Variants in ZNF624 observed in about 807,000 individuals in gnomAD.
ZNF624 encodes zinc finger protein 624.
A neutral mutation model predicts 74.7 loss-of-function variants in ZNF624; 43 were observed. That is an observed-to-expected ratio of 0.58 (90% CI 0.45 to 0.74). The LOEUF (loss-of-function observed/expected upper bound fraction) is 0.74, where lower values mean the gene tolerates loss of function less well. ZNF624 is among the 30% of genes least tolerant of loss of function. The pLI, the probability that ZNF624 is intolerant of heterozygous loss-of-function variation, is 0.00. For missense variants in ZNF624, 820 were observed against 1,030.0 expected (o/e 0.80, Z 2.79); for synonymous variants, 331 against 341.3 (o/e 0.97, Z 0.33).
At position 16,650,170 on chromosome 17, in the gene ZNF624, C is replaced by T. The variant is rs193052489; in HGVS notation, c.-2-424G>A. ...GAAGTACGAAAAAAAATACTTCAGTCTTTCTTTGCCACAATCACTTACTCA... is the reference window on the plus strand; with the variant it reads ...GAAGTACGAAAAAAAATACTTCAGTTTTTCTTTGCCACAATCACTTACTCA... On this transcript the variant is annotated intron_variant, in intron 1 of 5. Coordinates refer to ENST00000311331, the MANE Select transcript of ZNF624 (RefSeq NM_020787.4). Among the ~76,000 whole-genome samples, 202 of 152,258 alleles carry T rather than the reference C, an allele frequency of 1.3e-3. 1 individual carries two copies. The highest frequency in any genetic ancestry group is 4.7e-3 in the African/African-American group (197 of 41,554).
chr17:16,622,634 G>A lies in ZNF624; in HGVS notation c.2252C>T (p.Pro751Leu). The A allele has an allele frequency of 1.2e-6, 2 of 1,613,950 alleles. No individual in the cohort carries two copies. Among genetic ancestry groups the A allele is most frequent in the Non-Finnish European group, 1.7e-6 (2 of 1,179,942 alleles). ...TTTTCCACAGACATCACACTTATAG[G>A]GCTTCTCTCCACTATGGATTTTCTG... is the stretch of plus-strand genomic sequence containing the variant. ...EHQKIHSGEK[P>L]YKCDVCGKAF... The change falls in exon 6 of 6, where the codon CCC becomes CTC. Residue 751 changes from proline to leucine, a missense_variant. Transcript: ENST00000311331.
intron 3 of ZNF624, among the ~76,000 whole-genome samples, chr17:16,635,676 A>G (rs1433799826): frequency 6.6e-6 from 1 of 152,200 alleles, no homozygotes; most frequent in African/African-American, 2.4e-5. Flanking sequence ...CATATTAATT[A>G]CAGTGACAGA....
Position 16,623,260 on chromosome 17 carries a change from G to T in ZNF624, c.1626C>A (p.Cys542Ter). Residue 542 changes from cysteine (C) to a stop codon, truncating the protein, a stop_gained, in exon 6 of 6, where the codon TGC becomes TGA. Transcript: ENST00000311331. LOFTEE classifies it high-confidence loss of function. The surrounding 1 kb of genome is among the most constrained non-coding windows in gnomAD (Gnocchi z 5.3). The part of the protein sequence containing the change: ...ECGKAFINYS[C>*]LTVHHRMHTG... Reference sequence around the variant, plus strand: ...TATGCATTCTGTGGTGTACAGTAAGGCATGAATAATTAATGAATGCTTTCC... The same window carrying T: ...TATGCATTCTGTGGTGTACAGTAAGTCATGAATAATTAATGAATGCTTTCC... 1 of 1,613,748 alleles carries T rather than the reference G, an allele frequency of 6.2e-7. No individual in the cohort carries two copies. The highest frequency in any genetic ancestry group is 1.1e-5 in the South Asian group (1 of 91,064).
At chr17:16,650,951 G>A (rs548390783) in intron 1 of ZNF624, among the ~76,000 whole-genome samples, 10 of 152,154 alleles carry the variant, frequency 6.6e-5, no homozygotes, top group African/African-American at 2.2e-4. Flanking sequence ...CATCTGAAAA[G>A]ATACTTGAAG....
At chr17:16,616,982 A>T, downstream of ZNF624, 1 of 1,602,270 alleles carries the variant, frequency 6.2e-7, no homozygotes, top group Non-Finnish European at 8.6e-7. Flanking sequence ...GGCGAATTGG[A>T]ACGGGACTGG....
At chr17:16,634,597 G>T in intron 4 of ZNF624, 33 bp downstream of exon 4, 1 of 1,598,598 alleles carries the variant, frequency 6.3e-7, no homozygotes, top group Non-Finnish European at 8.5e-7. Flanking sequence ...CAAATGGGCA[G>T]ATCAATCAAC....
At chr17:16,619,395 TAG>T (rs1407605738), downstream of ZNF624, among the ~76,000 whole-genome samples, 2 of 152,136 alleles carry the variant, frequency 1.3e-5, no homozygotes, top group African/African-American at 4.8e-5. Flanking sequence ...GGACATCATT[TAG>T]AGAGTGAAAA....
At chr17:16,631,617 G>C (rs1217745488) in intron 5 of ZNF624, 1 of 152,476 alleles carries the variant, frequency 6.6e-6, no homozygotes, top group East Asian at 1.9e-4. Flanking sequence ...CAGCTATGTA[G>C]GAGGATGAGG....
chr17:16,653,194 T>C (rs7222875), intron 1 of ZNF624, among the ~76,000 whole-genome samples: 35,110 of 152,190 alleles, frequency 0.23, 4,510 homozygotes, highest in East Asian at 0.35. Context: ...TGACAAGTGA[T>C]TAAAAGGTGA....
chr17:16,633,771 T>A, intron 5 of ZNF624, 91 bp downstream of exon 5: 1 of 1,017,412 alleles, frequency 9.8e-7, no homozygotes, highest in South Asian at 1.5e-5. Context: ...AACAAATATA[T>A]CTTCAAAATT....
chr17:16,628,918 G>A (rs1215187626), intron 5 of ZNF624, among the ~76,000 whole-genome samples: 2 of 152,152 alleles, frequency 1.3e-5, no homozygotes, highest in Admixed American at 1.3e-4. Context: ...GAGAGACAGG[G>A]AAGGGCACAG....
chr17:16,616,908 T>A, downstream of ZNF624: 9 of 1,513,960 alleles, frequency 5.9e-6, no homozygotes, highest in South Asian at 1.2e-5. Flanking sequence ...TAGAACAGGA[T>A]CTTGAAGTAG....
chr17:16,618,966 T>C (rs9890698), downstream of ZNF624, among the ~76,000 whole-genome samples: 35,742 of 152,060 alleles, frequency 0.24, 4,699 homozygotes, highest in East Asian at 0.35. Context: ...GGGTCAGTTC[T>C]CCTAACCCCC....
chr17:16,652,490 T>C (rs937792031), intron 1 of ZNF624, among the ~76,000 whole-genome samples: 1 of 151,622 alleles, frequency 6.6e-6, no homozygotes, highest in African/African-American at 2.4e-5. Flanking sequence ...ATAAACTCTT[T>C]GGCAATACTT....
rs757119597 is a variant in ZNF624 at position 16,622,290 on chromosome 17, A to T, written c.2596T>A (p.Ter866LysextTer22). The T allele has an allele frequency of 2.6e-6, 4 of 1,549,952 alleles. No individual in the cohort carries two copies. In the Admixed American group the frequency reaches 8.2e-5, roughly 32 times the overall value. Residue 866 changes from the stop codon to lysine, a stop_lost, in exon 6 of 6, where the codon TAA becomes AAA. Transcript: ENST00000311331. ...RIHQRETQLI* is the reference protein window; with the variant it reads ...RIHQRETQLIK Reference sequence around the variant, plus strand: ...CTAGGTGAATGACTTATTGTTCTTTATATTAACTGAGTTTCTCTTTGATGT... The same window carrying T: ...CTAGGTGAATGACTTATTGTTCTTTTTATTAACTGAGTTTCTCTTTGATGT...
At chr17:16,616,819 T>A (rs576060125), downstream of ZNF624, 1 of 996,418 alleles carries the variant, frequency 1.0e-6, no homozygotes, top group Admixed American at 2.3e-5. Flanking sequence ...TGTTCCATAA[T>A]AGTGTGCAGA....
intron 4 of ZNF624, 58 bp downstream of exon 4, chr17:16,634,571 CT>C: frequency 6.4e-7 from 1 of 1,563,902 alleles, no homozygotes; most frequent in Non-Finnish European, 8.6e-7. Context: ...GGCCCTTTAT[CT>C]TTGGCAAACC....
At chr17:16,619,264 A>G (rs1315657750), downstream of ZNF624, among the ~76,000 whole-genome samples, 1 of 152,232 alleles carries the variant, frequency 6.6e-6, no homozygotes, top group Non-Finnish European at 1.5e-5. Flanking sequence ...AGATATGTGG[A>G]AGAGAATGTA....
intron 3 of ZNF624, among the ~76,000 whole-genome samples, chr17:16,638,560 T>C (rs1909390511): frequency 6.6e-6 from 1 of 152,108 alleles, no homozygotes; most frequent in African/African-American, 2.4e-5. Flanking sequence ...ATGTCCTTTG[T>C]AGGGACATGG....
Sources: gnomAD v4.1 joint callset for allele counts (sites outside exome capture counted in the v4.1 genomes callset) on GRCh38, gnomAD v4.1.1 for gene constraint, Gnocchi (gnomAD v3.1) non-coding constraint, MANE v1.5 for transcripts, NCBI Gene and HGNC (gene_info 2026-07-23, HGNC 2026-07-21) for gene names.